The following DOK6 variants were observed in gnomAD, a reference collection of about 807,000 sequenced individuals.
DOK6 encodes the protein docking protein 6, also known as downstream of tyrosine kinase 6.
A neutral mutation model predicts 44.0 loss-of-function variants in DOK6; 22 were observed. That is an observed-to-expected ratio of 0.50 (90% confidence interval 0.36 to 0.71). The LOEUF is 0.71. Among genes scored for constraint, DOK6 ranks in the 30% least tolerant of loss-of-function variants. DOK6 has a pLI of 0.00. For missense variants in DOK6, 340 were observed against 416.4 expected (o/e 0.82, Z 1.60); for synonymous variants, 166 against 145.5 (o/e 1.14, Z -1.01).
intron 4 of DOK6, among the ~76,000 whole-genome samples, chr18:69,686,942 C>T (rs914610372): frequency 6.6e-6 from 1 of 152,078 alleles, no homozygotes; most frequent in African/African-American, 2.4e-5. Context: ...ACTTCCAATA[C>T]ATAAACTTTA....
At chr18:69,480,065 A>G (rs1404548246) in intron 1 of DOK6, among the ~76,000 whole-genome samples, 2 of 152,176 alleles carry the variant, frequency 1.3e-5, no homozygotes, top group Non-Finnish European at 2.9e-5. Flanking sequence ...GCATATTAAT[A>G]AAACTGAATG....
At chr18:69,437,971 A>AT (rs1979029215) in intron 1 of DOK6, among the ~76,000 whole-genome samples, 1 of 152,264 alleles carries the variant, frequency 6.6e-6, no homozygotes, top group African/African-American at 2.4e-5. Context: ...TTAAAAAGTA[A>AT]TTTTTTGCTA....
At chr18:69,540,645 G>T (rs1227407938) in intron 1 of DOK6, among the ~76,000 whole-genome samples, 1 of 152,092 alleles carries the variant, frequency 6.6e-6, no homozygotes, top group African/African-American at 2.4e-5. Flanking sequence ...CATTGTAAAT[G>T]AAGTTTTTTC....
chr18:69,824,248 AT>A (rs1218939724), intron 7 of DOK6, among the ~76,000 whole-genome samples: 3 of 125,968 alleles, frequency 2.4e-5, no homozygotes, highest in Non-Finnish European at 3.2e-5. Context: ...TCCTGTGTCC[AT>A]GTGTTCTCAT....
rs1405327737 is a variant in DOK6, at chr18:69,524,894, G to A, written c.67-39593G>A. 4.6e-5 allele frequency among the ~76,000 whole-genome samples: 7 copies of A among 151,524 alleles called. No individual in the cohort carries two copies. In the South Asian group the frequency reaches 1.2e-3, roughly 27 times the overall value. ...ATTCCTTCCAATTATTGGACAAGTCGACTTTAATTGCTATGCTTGCAAATT... is the reference window on the plus strand; with the variant it reads ...ATTCCTTCCAATTATTGGACAAGTCAACTTTAATTGCTATGCTTGCAAATT... On this transcript the variant is annotated intron_variant, in intron 1 of 7. Transcript: ENST00000382713.
chr18:69,680,511 C>T (rs926387093), intron 4 of DOK6, among the ~76,000 whole-genome samples: 11 of 152,256 alleles, frequency 7.2e-5, no homozygotes, highest in South Asian at 4.1e-4. Flanking sequence ...TGCATCAACA[C>T]GTTAGGAGAA....
chr18:69,686,855 A>T (rs1184800857), intron 4 of DOK6, among the ~76,000 whole-genome samples: 1 of 152,154 alleles, frequency 6.6e-6, no homozygotes, highest in East Asian at 1.9e-4. Context: ...GTTTCAAATT[A>T]CACAGTCATA....
At chr18:69,676,311 G>A (rs1031422018) in intron 3 of DOK6, among the ~76,000 whole-genome samples, 5 of 152,142 alleles carry the variant, frequency 3.3e-5, no homozygotes, top group Admixed American at 2.0e-4. Flanking sequence ...CTTGAGAAAA[G>A]TAAAAATAAA....
chr18:69,781,470 A>G (rs1013917193), intron 7 of DOK6: 2 of 152,198 alleles, frequency 1.3e-5, no homozygotes, highest in African/African-American at 4.8e-5. Context: ...AATGTTAGTG[A>G]TACCATGATT....
At chr18:69,637,363 G>T (rs754325307) in intron 3 of DOK6, among the ~76,000 whole-genome samples, 2 of 152,044 alleles carry the variant, frequency 1.3e-5, no homozygotes, top group African/African-American at 2.4e-5. Flanking sequence ...ATATTAAAAG[G>T]CCTTAAAAAG....
chr18:69,585,589 T>A (rs1983480286), intron 2 of DOK6, among the ~76,000 whole-genome samples: 1 of 152,252 alleles, frequency 6.6e-6, no homozygotes, highest in Non-Finnish European at 1.5e-5. Context: ...CCTTGTCGGA[T>A]AATTTTGTCA....
intron 3 of DOK6, among the ~76,000 whole-genome samples, chr18:69,601,987 G>T (rs549512856): frequency 1.4e-4 from 21 of 152,318 alleles, no homozygotes; most frequent in Non-Finnish European, 2.8e-4. Flanking sequence ...ATATTTATGA[G>T]TCCATGCTTT....
At chr18:69,821,243 A>T (rs1981559793) in intron 7 of DOK6, among the ~76,000 whole-genome samples, 1 of 151,846 alleles carries the variant, frequency 6.6e-6, no homozygotes, top group Non-Finnish European at 1.5e-5. Flanking sequence ...TGCTGCTCAT[A>T]CTCCCTGCAT....
intron 2 of DOK6, among the ~76,000 whole-genome samples, chr18:69,594,490 G>A (rs773111925): frequency 3.3e-5 from 5 of 151,078 alleles, no homozygotes; most frequent in African/African-American, 4.9e-5. Flanking sequence ...AATTTTCTAA[G>A]CTAAAGCCTT....
Position 69,651,584 on chromosome 18 carries a change from G to A in DOK6, c.290-26150G>A, listed in dbSNP as rs373877750. ...GCTTGCTGCAACCTCTGCCTCCCGG[G>A]TTCAAGCGAATCTCCTGCCTTAGCC... On this transcript the variant is annotated intron_variant, in intron 3 of 7. Transcript: ENST00000382713. Among the ~76,000 whole-genome samples the A allele has an allele frequency of 1.4e-4, 21 of 150,992 alleles. No homozygotes were observed. In the East Asian group the frequency reaches 1.8e-3, roughly 13 times the overall value.
chr18:69,744,011 A>G (rs918129072), intron 6 of DOK6, among the ~76,000 whole-genome samples: 1 of 152,172 alleles, frequency 6.6e-6, no homozygotes, highest in Non-Finnish European at 1.5e-5. Context: ...GCTGCCCTCC[A>G]GAGCTGTCAA....
intron 3 of DOK6, among the ~76,000 whole-genome samples, chr18:69,611,917 A>G (rs555368873): frequency 6.7e-6 from 1 of 149,312 alleles, no homozygotes. Flanking sequence ...GTGCGTACAC[A>G]AACCTCCACA....
chr18:69,815,366 C>T (rs1981367925), intron 7 of DOK6, among the ~76,000 whole-genome samples: 1 of 152,132 alleles, frequency 6.6e-6, no homozygotes, highest in Non-Finnish European at 1.5e-5. Flanking sequence ...ATGTGCATTC[C>T]TTCTGTGATT....
At chr18:69,651,780 C>T (rs190152015) in intron 3 of DOK6, among the ~76,000 whole-genome samples, 32 of 152,170 alleles carry the variant, frequency 2.1e-4, no homozygotes, top group African/African-American at 7.0e-4. Context: ...AGCTACCGCG[C>T]CCAGCCCCAT....
Sources: gnomAD v4.1 joint callset for allele counts (sites outside exome capture counted in the v4.1 genomes callset) on GRCh38, gnomAD v4.1.1 for gene constraint, MANE v1.5 for transcripts, NCBI Gene and HGNC (gene_info 2026-07-23, HGNC 2026-07-21) for gene names.